BEST3: variants seen among roughly 807,000 people sequenced by gnomAD.
BEST3 encodes bestrophin 3.
A neutral mutation model predicts 47.1 loss-of-function variants in BEST3; 50 were observed. The observed-to-expected ratio is 1.06, with a 90% CI of 0.85 to 1.34. BEST3 has a LOEUF of 1.34. Among genes scored for constraint, BEST3 ranks in the 40% most tolerant of loss-of-function variants. BEST3 has a pLI of 0.00. For synonymous variants in BEST3, 282 were observed against 298.8 expected, an observed-to-expected ratio of 0.94 and a Z score of 0.58; for missense variants, 765 against 817.0, an observed-to-expected ratio of 0.94 and a Z score of 0.78.
intron 1 of BEST3, 39 bp downstream of exon 1, chr12:69,699,166 G>T: frequency 2.1e-6 from 2 of 955,644 alleles, no homozygotes; most frequent in Non-Finnish European, 2.5e-6. Flanking sequence ...GCAAGTAGAG[G>T]TCAGAATTAA....
downstream of BEST3, among the ~76,000 whole-genome samples, chr12:69,651,594 G>A (rs1883211013): frequency 6.6e-6 from 1 of 151,978 alleles, no homozygotes; most frequent in Non-Finnish European, 1.5e-5. Flanking sequence ...CCAACATGGT[G>A]AAACCCTGTC....
downstream of BEST3, among the ~76,000 whole-genome samples, chr12:69,651,143 G>A (rs17106874): frequency 0.12 from 18,172 of 152,116 alleles, 1,249 homozygotes; most frequent in East Asian, 0.23. Context: ...AGTAGATCCT[G>A]GCAAACAAGT....
intron 9 of BEST3, chr12:69,660,747 A>G (rs1883823878): frequency 6.6e-6 from 1 of 152,230 alleles, no homozygotes; most frequent in African/African-American, 2.4e-5. Flanking sequence ...AAAGAAGGAG[A>G]AAGAGAAAAG....
rs1466151929 is a variant in BEST3 at position 69,693,798 on chromosome 12, C to G, written c.357G>C (p.Glu119Asp). The G allele has an allele frequency of 6.2e-7, 1 of 1,614,196 alleles. No homozygotes were observed. The highest frequency in any genetic ancestry group is 1.7e-5 in the Admixed American group (1 of 60,028). Reference protein sequence around the residue: ...LISSSVHGSDEHGRLLRRTLM... With the variant: ...LISSSVHGSDDHGRLLRRTLM... ...GCGTCCTTCTAAGCAGGCGCCCGTG[C>G]TCGTCGCTTCCGTGAACACTGCTAG... Residue 119 changes from glutamate to aspartate, a missense_variant, in exon 4 of 10, where the codon GAG becomes GAC. Transcript: ENST00000330891.
intron 4 of BEST3, among the ~76,000 whole-genome samples, chr12:69,679,455 C>T (rs956320557): frequency 1.3e-5 from 2 of 152,192 alleles, no homozygotes; most frequent in Non-Finnish European, 2.9e-5. Context: ...TCGCTCTTGG[C>T]TTGCATCATA....
chr12:69,695,689 C>G (rs1886106630), intron 2 of BEST3, among the ~76,000 whole-genome samples: 1 of 152,144 alleles, frequency 6.6e-6, no homozygotes, highest in Non-Finnish European at 1.5e-5. Context: ...AATTCCAAGT[C>G]TGACACTTAT....
intron 4 of BEST3, among the ~76,000 whole-genome samples, chr12:69,682,790 G>C (rs1284704919): frequency 6.6e-6 from 1 of 152,068 alleles, no homozygotes; most frequent in Admixed American, 6.6e-5. Flanking sequence ...TTGCCAGGCT[G>C]GTCTTGAACT....
chr12:69,646,958 C>A (rs1201975602), intron 9 of BEST3, among the ~76,000 whole-genome samples: 1 of 152,110 alleles, frequency 6.6e-6, no homozygotes, highest in African/African-American at 2.4e-5. Flanking sequence ...AGATGAGATT[C>A]ATTCACTTCT....
At chr12:69,666,646 A>G (rs1476736678) in intron 9 of BEST3, among the ~76,000 whole-genome samples, 2 of 152,000 alleles carry the variant, frequency 1.3e-5, no homozygotes, top group Non-Finnish European at 2.9e-5. Flanking sequence ...TTTCCTTGAT[A>G]CTGTTCTGAT....
intron 9 of BEST3, among the ~76,000 whole-genome samples, chr12:69,647,221 T>C (rs1187058941): frequency 6.6e-6 from 1 of 152,260 alleles, no homozygotes; most frequent in Non-Finnish European, 1.5e-5. Context: ...TGCTCCTGCC[T>C]TCTTCTGAGT....
At chr12:69,681,075 G>A (rs1481685908) in intron 4 of BEST3, among the ~76,000 whole-genome samples, 7 of 151,732 alleles carry the variant, frequency 4.6e-5, no homozygotes, top group African/African-American at 1.7e-4. Flanking sequence ...TACCCCCTTG[G>A]CTCTTTAAGT....
At chr12:69,663,391 A>G (rs931045497) in intron 9 of BEST3, among the ~76,000 whole-genome samples, 3 of 152,206 alleles carry the variant, frequency 2.0e-5, no homozygotes, top group Non-Finnish European at 4.4e-5. Context: ...TGTCCCAGGA[A>G]AACTCATTAT....
At chr12:69,658,657 A>G (rs1272994775) in intron 9 of BEST3, among the ~76,000 whole-genome samples, 1 of 152,256 alleles carries the variant, frequency 6.6e-6, no homozygotes, top group Non-Finnish European at 1.5e-5. Context: ...TTTGGGGCAA[A>G]GCAAGTTTTT....
At chr12:69,663,214 G>A (rs1031525225) in intron 9 of BEST3, among the ~76,000 whole-genome samples, 20 of 152,338 alleles carry the variant, frequency 1.3e-4, no homozygotes, top group African/African-American at 4.8e-4. Flanking sequence ...GATATAATGT[G>A]AAGACAGGCA....
At chr12:69,666,659 C>T (rs1029667905) in intron 9 of BEST3, among the ~76,000 whole-genome samples, 1 of 152,138 alleles carries the variant, frequency 6.6e-6, no homozygotes, top group African/African-American at 2.4e-5. Flanking sequence ...GTTCTGATTG[C>T]TCCCACCCAC....
At chr12:69,672,862 A>G in intron 8 of BEST3, 23 bp downstream of exon 8, 1 of 1,548,970 alleles carries the variant, frequency 6.5e-7, no homozygotes. Context: ...AACATTTGAA[A>G]AAGAAAGAAA....
At position 69,655,309 on chromosome 12, in the gene BEST3, C is replaced by CTGAA. The variant is rs1883396886; in HGVS notation, c.1601_1604dup (p.Gln535HisfsTer7). 2 of 1,614,054 alleles carry CTGAA rather than the reference C, an allele frequency of 1.2e-6. No homozygotes were observed. Among genetic ancestry groups the CTGAA allele is most frequent in the Admixed American group, 3.3e-5 (2 of 60,004 alleles). ...CCTGCTGCTGCTCAGTCTTGCTTGG[C>CTGAA]TGAACCCCTGTAAACTCAGAGCTCA... is the stretch of plus-strand genomic sequence containing the variant. On this transcript the variant is annotated frameshift_variant, in exon 10 of 10. Transcript: ENST00000330891. LOFTEE classifies it low-confidence loss of function (END_TRUNC).
At chr12:69,696,440 A>C (rs887324958) in intron 2 of BEST3, among the ~76,000 whole-genome samples, 4 of 152,304 alleles carry the variant, frequency 2.6e-5, no homozygotes, top group African/African-American at 9.6e-5. Context: ...GATAATTATC[A>C]CGAAACACCA....
intron 9 of BEST3, among the ~76,000 whole-genome samples, chr12:69,658,091 C>T (rs1883626019): frequency 6.6e-6 from 1 of 152,170 alleles, no homozygotes; most frequent in African/African-American, 2.4e-5. Context: ...AACACAGCCA[C>T]TCTGGATGTG....
Sources: allele counts gnomAD v4.1 joint callset (sites outside exome capture counted in the v4.1 genomes callset), GRCh38; gene constraint gnomAD v4.1.1; transcripts MANE v1.5; gene names NCBI Gene and HGNC (gene_info 2026-07-23, HGNC 2026-07-21).